Variants in PRKCB observed in about 807,000 individuals in gnomAD.
PRKCB encodes protein kinase C beta, also known as protein kinase C beta type.
In PRKCB, 13 loss-of-function variants were observed where a neutral mutation model predicts 81.5. That is an observed-to-expected ratio of 0.16 (90% CI 0.10 to 0.25). The LOEUF (loss-of-function observed/expected upper bound fraction) is 0.25, where lower values mean the gene tolerates loss of function less well. PRKCB is among the 10% of genes least tolerant of loss of function. PRKCB has a pLI of 1.00. For missense variants in PRKCB, 509 were observed against 875.7 expected (o/e 0.58, Z 5.29); for synonymous variants, 335 against 321.4 (o/e 1.04, Z -0.45).
chr16:23,887,095 GCTTTCTTGCTTT>G lies in PRKCB; in HGVS notation c.205+49705_205+49716del, dbSNP rs1036804812. ...CTTTCTCTCTCTTTCTTTCCTTCTT[GCTTTCTTGCTTT>G]CTTTCTTGCTTTCTTGCTTTCTGTC... On this transcript the variant is annotated intron_variant, in intron 2 of 16. Transcript: ENST00000643927. Among the ~76,000 whole-genome samples, 123 of 150,816 alleles carry G rather than the reference GCTTTCTTGCTTT, an allele frequency of 8.2e-4. 2 individuals carry two copies. The highest frequency in any genetic ancestry group is 2.9e-3 in the African/African-American group (119 of 41,014).
At chr16:23,953,283 T>C (rs777886619) in intron 2 of PRKCB, among the ~76,000 whole-genome samples, 5 of 152,212 alleles carry the variant, frequency 3.3e-5, no homozygotes, top group African/African-American at 4.8e-5. Flanking sequence ...TTTTCCAATA[T>C]TGACTTCGGG....
intron 5 of PRKCB, among the ~76,000 whole-genome samples, chr16:24,038,784 G>T (rs1177456018): frequency 1.3e-5 from 2 of 152,254 alleles, no homozygotes. Flanking sequence ...CGAGAGTGTG[G>T]TCTCCGTGGA....
Position 24,219,779 on chromosome 16 carries a change from C to T in PRKCB, c.*4963C>T. 2 of 1,406,562 alleles carry T rather than the reference C, an allele frequency of 1.4e-6. No homozygotes were observed. The highest frequency in any genetic ancestry group is 1.8e-6 in the Non-Finnish European group (2 of 1,083,032). 87.1% of individuals were successfully genotyped at this position (1,406,562 alleles called of 1,614,324 possible). A position where few individuals can be genotyped will look rare whatever the true frequency, so the allele number is the denominator to read the frequency against. On this transcript the variant is annotated 3_prime_UTR_variant, in exon 17 of 17. Coordinates refer to ENST00000643927, the MANE Select transcript of PRKCB (RefSeq NM_002738.7). ...GAAAATTTCCACCACATTTCTATCC[C>T]CAAGCCAACATACAATGTGAAATGA...
intron 2 of PRKCB, among the ~76,000 whole-genome samples, chr16:23,981,938 CTT>C: frequency 9.2e-6 from 1 of 108,624 alleles, no homozygotes; most frequent in Non-Finnish European, 1.9e-5. Context: ...TTCCCCTTCC[CTT>C]CCCTTTCCCT....
intron 2 of PRKCB, 59 bp downstream of exon 2, chr16:23,837,465 TAGA>T (rs1962185122): frequency 1.3e-6 from 2 of 1,572,608 alleles, no homozygotes; most frequent in South Asian, 1.1e-5. Context: ...AAATACTTTA[TAGA>T]AGAAGTTACT....
At chr16:24,034,274 T>A (rs2141856392) in intron 4 of PRKCB, among the ~76,000 whole-genome samples, 1 of 152,308 alleles carries the variant, frequency 6.6e-6, no homozygotes, top group Middle Eastern at 3.4e-3. Context: ...CTAGTTTTTG[T>A]AATAGGCCTG....
chr16:23,946,963 C>T (rs1405334132), intron 2 of PRKCB, among the ~76,000 whole-genome samples: 1 of 151,734 alleles, frequency 6.6e-6, no homozygotes, highest in African/African-American at 2.4e-5. Context: ...TTAAGCGATT[C>T]TCTTGCCTTA....
intron 2 of PRKCB, among the ~76,000 whole-genome samples, chr16:23,877,480 A>G (rs1963034057): frequency 6.6e-6 from 1 of 152,130 alleles, no homozygotes; most frequent in African/African-American, 2.4e-5. Context: ...AATCCCATAT[A>G]AGACTCCCCA....
intron 2 of PRKCB, among the ~76,000 whole-genome samples, chr16:23,861,138 A>G (rs1166885107): frequency 6.6e-6 from 1 of 151,422 alleles, no homozygotes; most frequent in Non-Finnish European, 1.5e-5. Context: ...TAGCTCTCCA[A>G]TTCTGGAGGT....
intron 2 of PRKCB, among the ~76,000 whole-genome samples, chr16:23,973,463 G>A (rs1434096014): frequency 6.6e-6 from 1 of 151,884 alleles, no homozygotes; most frequent in African/African-American, 2.4e-5. Context: ...GATTACAGGC[G>A]TGAGCCACCG....
chr16:24,056,208 C>T (rs1965901015), intron 5 of PRKCB, among the ~76,000 whole-genome samples: 2 of 152,246 alleles, frequency 1.3e-5, no homozygotes, highest in South Asian at 2.1e-4. Flanking sequence ...TTGGGGTTCT[C>T]CTTGGCTCTG....
intron 2 of PRKCB, among the ~76,000 whole-genome samples, chr16:23,853,770 G>T (rs1962512971): frequency 6.6e-6 from 1 of 151,562 alleles, no homozygotes; most frequent in Admixed American, 6.6e-5. Context: ...GAACAATCTG[G>T]CTCTTGTCAG....
chr16:24,152,231 G>C (rs1222088095), intron 9 of PRKCB, among the ~76,000 whole-genome samples: 1 of 152,160 alleles, frequency 6.6e-6, no homozygotes, highest in African/African-American at 2.4e-5. Flanking sequence ...GCAGTCAAGA[G>C]AGAATGAGAG....
intron 15 of PRKCB, among the ~76,000 whole-genome samples, chr16:24,186,803 G>A (rs1232131763): frequency 2.0e-5 from 3 of 152,240 alleles, no homozygotes; most frequent in Admixed American, 6.5e-5. Flanking sequence ...CACTCTCAAT[G>A]AATCACCTAA....
At chr16:24,170,584 C>G (rs1038375153) in intron 10 of PRKCB, among the ~76,000 whole-genome samples, 1 of 152,140 alleles carries the variant, frequency 6.6e-6, no homozygotes, top group Non-Finnish European at 1.5e-5. Flanking sequence ...TTAGCAAACA[C>G]CCTCTGATGG....
chr16:23,855,068 G>A (rs1337650572), intron 2 of PRKCB, among the ~76,000 whole-genome samples: 1 of 151,878 alleles, frequency 6.6e-6, no homozygotes, highest in African/African-American at 2.4e-5. Context: ...CTACCACTTG[G>A]CACTCCCTAA....
Position 24,173,459 on chromosome 16 carries a change from C to T in PRKCB, c.1332-1059C>T, listed in dbSNP as rs757785166. On this transcript the variant is annotated intron_variant, in intron 11 of 16. Transcript: ENST00000643927. ...GCTCCTACCCAGTTCAGCTTGCCCC[C>T]TCTCCTCCCACCTGGACAGGTTGTG... Among the ~76,000 whole-genome samples, 6 of 152,272 alleles carry T rather than the reference C, an allele frequency of 3.9e-5. 1 individual carries two copies. In the South Asian group the frequency reaches 1.2e-3, roughly 32 times the overall value.
intron 3 of PRKCB, among the ~76,000 whole-genome samples, chr16:23,993,782 C>G (rs574462992): frequency 6.6e-6 from 1 of 152,280 alleles, no homozygotes; most frequent in East Asian, 1.9e-4. Context: ...AGAGTTACAA[C>G]AACAATCGGA....
intron 2 of PRKCB, among the ~76,000 whole-genome samples, chr16:23,875,254 G>A (rs1962975318): frequency 1.3e-5 from 2 of 151,722 alleles, no homozygotes; most frequent in Admixed American, 6.6e-5. Context: ...GCCCAGGCTG[G>A]TCTTGAACTC....
Sources: allele counts gnomAD v4.1 joint callset (sites outside exome capture counted in the v4.1 genomes callset), GRCh38; gene constraint gnomAD v4.1.1; transcripts MANE v1.5; gene names NCBI Gene and HGNC (gene_info 2026-07-23, HGNC 2026-07-21).